The following ASPRV1 variants were observed in gnomAD, a reference collection of about 807,000 sequenced individuals.
ASPRV1 encodes retroviral-like aspartic protease 1.
A neutral mutation model predicts 11.0 loss-of-function variants in ASPRV1; 7 were observed. The ratio of observed to expected loss-of-function variants is 0.64; its 90% CI spans 0.36 to 1.20. The LOEUF (loss-of-function observed/expected upper bound fraction) is 1.20, where lower values mean the gene tolerates loss of function less well. Among genes scored for constraint, ASPRV1 ranks in the 50% most tolerant of loss-of-function variants. The probability of loss-of-function intolerance (pLI) is 0.02; values close to 1 mark genes in which losing one functional copy is unlikely to be tolerated. For missense variants in ASPRV1, 299 were observed against 320.0 expected, an observed-to-expected ratio of 0.93 and a Z score of 0.50; for synonymous variants, 136 against 138.4, an observed-to-expected ratio of 0.98 and a Z score of 0.12.
the ASPRV1 span, among the ~76,000 whole-genome samples, chr2:70,079,584 GAAAA>G: frequency 6.6e-6 from 1 of 151,158 alleles, no homozygotes; most frequent in African/African-American, 2.4e-5. Context: ...TGAAGAATAA[GAAAA>G]AAAAAGTTGA....
chr2:69,969,293 T>C, the ASPRV1 span, among the ~76,000 whole-genome samples: 3 of 152,186 alleles, frequency 2.0e-5, no homozygotes, highest in Non-Finnish European at 2.9e-5. Context: ...CTCTGCCTCA[T>C]GGTGTTACCT....
At chr2:69,992,533 A>G in the ASPRV1 span, among the ~76,000 whole-genome samples, 1 of 152,318 alleles carries the variant, frequency 6.6e-6, no homozygotes, top group Admixed American at 6.5e-5. Context: ...TTTCATCATC[A>G]AAATCTAATT....
the ASPRV1 span, among the ~76,000 whole-genome samples, chr2:70,084,263 A>C: frequency 2.6e-5 from 4 of 152,208 alleles, no homozygotes; most frequent in South Asian, 2.1e-4. Flanking sequence ...GACCAGAAGA[A>C]GGCTTTGTTT....
the ASPRV1 span, chr2:70,030,642 A>G: frequency 6.6e-6 from 1 of 152,158 alleles, no homozygotes; most frequent in African/African-American, 2.4e-5. Context: ...AAATGATCCA[A>G]TGAAAGTTTA....
chr2:69,958,001 T>C (rs553037215), downstream of ASPRV1, among the ~76,000 whole-genome samples: 5 of 152,300 alleles, frequency 3.3e-5, no homozygotes, highest in South Asian at 1.0e-3. Context: ...TGCTCTCCCA[T>C]GGTTCAAACG....
the ASPRV1 span, among the ~76,000 whole-genome samples, chr2:70,010,409 G>A: frequency 6.6e-6 from 1 of 152,130 alleles, no homozygotes; most frequent in African/African-American, 2.4e-5. Context: ...TGCGTGGCAA[G>A]GGTGGAGGGC....
At chr2:70,033,011 C>T in the ASPRV1 span, among the ~76,000 whole-genome samples, 1 of 152,110 alleles carries the variant, frequency 6.6e-6, no homozygotes, top group South Asian at 2.1e-4. Flanking sequence ...CAGATATCAG[C>T]TACAACCACC....
At chr2:69,952,060 A>C in the ASPRV1 span, among the ~76,000 whole-genome samples, 4 of 152,212 alleles carry the variant, frequency 2.6e-5, no homozygotes, top group African/African-American at 9.7e-5. Context: ...TGTTTGACCA[A>C]ACTGTTCCAG....
At chr2:69,967,409 G>T in the ASPRV1 span, among the ~76,000 whole-genome samples, 1 of 152,204 alleles carries the variant, frequency 6.6e-6, no homozygotes, top group African/African-American at 2.4e-5. Flanking sequence ...GAAACATGCA[G>T]TAGCCCTGAA....
chr2:70,006,562 A>G, the ASPRV1 span, among the ~76,000 whole-genome samples: 2 of 152,100 alleles, frequency 1.3e-5, no homozygotes, highest in African/African-American at 4.8e-5. Flanking sequence ...GCATAAGAGG[A>G]CACCAAGACT....
the ASPRV1 span, among the ~76,000 whole-genome samples, chr2:70,072,442 G>C: frequency 3.5e-3 from 536 of 151,742 alleles, 4 homozygotes; most frequent in Admixed American, 0.016. Context: ...AGGCCAGGTG[G>C]CTGGGCGCAG....
At chr2:70,068,061 C>T in the ASPRV1 span, among the ~76,000 whole-genome samples, 1 of 152,208 alleles carries the variant, frequency 6.6e-6, no homozygotes, top group African/African-American at 2.4e-5. Context: ...AGTCCACACT[C>T]TATCCCAAAT....
At chr2:69,996,821 T>C in the ASPRV1 span, 1 of 438,668 alleles carries the variant, frequency 2.3e-6, no homozygotes, top group Non-Finnish European at 4.6e-6. Flanking sequence ...TAACCGGAGG[T>C]GCTGTCTGAG....
At chr2:69,997,210 C>T in the ASPRV1 span, among the ~76,000 whole-genome samples, 1 of 148,614 alleles carries the variant, frequency 6.7e-6, no homozygotes, top group African/African-American at 2.5e-5. Flanking sequence ...AAAAAATGGA[C>T]GCAGGCCTTT....
the ASPRV1 span, among the ~76,000 whole-genome samples, chr2:70,002,642 A>G: frequency 6.6e-6 from 1 of 152,236 alleles, no homozygotes; most frequent in African/African-American, 2.4e-5. Context: ...GGCAAAGCCA[A>G]TCCTGTGGCA....
chr2:70,071,463 C>T, the ASPRV1 span, among the ~76,000 whole-genome samples: 5 of 152,058 alleles, frequency 3.3e-5, no homozygotes, highest in South Asian at 2.1e-4. Context: ...AAAATTAGGC[C>T]GGGCACAGTG....
At chr2:70,038,464 T>C in the ASPRV1 span, among the ~76,000 whole-genome samples, 1 of 152,052 alleles carries the variant, frequency 6.6e-6, no homozygotes, top group Admixed American at 6.5e-5. Context: ...CTGTAAGTGC[T>C]AGCTACTCAG....
At chr2:70,082,388 G>A in the ASPRV1 span, among the ~76,000 whole-genome samples, 1 of 151,978 alleles carries the variant, frequency 6.6e-6, no homozygotes, top group African/African-American at 2.4e-5. Context: ...GAGCAACACA[G>A]CAAGACCTCA....
chr2:70,043,391 C>T, the ASPRV1 span, among the ~76,000 whole-genome samples: 2 of 151,914 alleles, frequency 1.3e-5, no homozygotes, highest in African/African-American at 4.8e-5. Flanking sequence ...GCACTCCAGC[C>T]TGGGTGGCAG....
Sources: allele counts gnomAD v4.1 joint callset (sites outside exome capture counted in the v4.1 genomes callset), GRCh38; gene constraint gnomAD v4.1.1; transcripts MANE v1.5; gene names NCBI Gene and HGNC (gene_info 2026-07-23, HGNC 2026-07-21).